The following ZNF69 variants were observed in gnomAD, a reference collection of about 807,000 sequenced individuals.
ZNF69 encodes the protein ZNF3.
ZNF69 carries 47 observed loss-of-function variants against 50.9 expected under a neutral mutation model. That is an observed-to-expected ratio of 0.92 (90% CI 0.73 to 1.18). The LOEUF is 1.18. Among genes scored for constraint, ZNF69 ranks in the 50% most tolerant of loss-of-function variants. The pLI is 0.00. For missense variants in ZNF69, 717 were observed against 675.1 expected, an observed-to-expected ratio of 1.06 and a Z score of -0.69; for synonymous variants, 216 against 223.1, an observed-to-expected ratio of 0.97 and a Z score of 0.29.
At chr19:11,914,962 G>A (rs1485933958), downstream of ZNF69, among the ~76,000 whole-genome samples, 1 of 152,132 alleles carries the variant, frequency 6.6e-6, no homozygotes, top group African/African-American at 2.4e-5. Context: ...CCACCACTTT[G>A]CTAGTCCAAA....
chr19:11,899,688 G>A (rs1972202063), intron 1 of ZNF69, among the ~76,000 whole-genome samples: 1 of 152,072 alleles, frequency 6.6e-6, no homozygotes, highest in Non-Finnish European at 1.5e-5. Flanking sequence ...TTATGAGTAA[G>A]GCTGCTAAAA....
intron 1 of ZNF69, among the ~76,000 whole-genome samples, chr19:11,900,118 T>TGCTG (rs1848567695): frequency 6.6e-6 from 1 of 152,044 alleles, no homozygotes; most frequent in Non-Finnish European, 1.5e-5. Context: ...CATGCATGGC[T>TGCTG]GCTGTTCGTA....
downstream of ZNF69, among the ~76,000 whole-genome samples, chr19:11,917,705 C>T (rs913345374): frequency 4.0e-5 from 6 of 151,842 alleles, no homozygotes; most frequent in African/African-American, 9.7e-5. Context: ...GGCGTGATCT[C>T]GGCTCACTGC....
the ZNF69 span, chr19:11,948,718 C>T: frequency 1.2e-6 from 2 of 1,612,940 alleles, no homozygotes; most frequent in South Asian, 2.2e-5. Context: ...GAAAGCCTTC[C>T]ATTCTTTCAG....
At chr19:11,894,809 G>T (rs1041546076) in intron 1 of ZNF69, among the ~76,000 whole-genome samples, 1 of 152,200 alleles carries the variant, frequency 6.6e-6, no homozygotes, top group Non-Finnish European at 1.5e-5. Flanking sequence ...TCAGCCAGTT[G>T]GATGGTGCTA....
In ZNF69 at chr19:11,900,331, G is replaced by C. The variant is rs1052360236; in HGVS notation, c.64-3242G>C. 4.0e-4 allele frequency among the ~76,000 whole-genome samples: 61 copies of C among 151,978 alleles called. 3 individuals are homozygous for C. Among genetic ancestry groups the C allele is most frequent in the Admixed American group, 7.2e-4 (11 of 15,264 alleles). On this transcript the variant is annotated intron_variant, in intron 1 of 3. Coordinates refer to ENST00000429654, the MANE Select transcript of ZNF69 (RefSeq NM_001364730.1). ...TGTTTGCCATAATTACATTCTTTAG[G>C]GGGAGGTATACTTGGAAAGATTGGG...
the ZNF69 span, chr19:11,948,124 T>C: frequency 9.1e-6 from 8 of 879,216 alleles, no homozygotes; most frequent in African/African-American, 1.2e-4. Flanking sequence ...GGTCATCTTG[T>C]AGAACATGTC....
chr19:11,933,581 C>T, the ZNF69 span, among the ~76,000 whole-genome samples: 1 of 147,776 alleles, frequency 6.8e-6, no homozygotes, highest in Non-Finnish European at 1.5e-5. Flanking sequence ...ATGTTCCTGC[C>T]TCGGTTTTGC....
the ZNF69 span, among the ~76,000 whole-genome samples, chr19:11,974,126 T>TTTCTTTCTTTCTTTTCTTTC: frequency 5.4e-4 from 30 of 55,076 alleles, no homozygotes; most frequent in Non-Finnish European, 9.0e-4. Context: ...TCTTTCTTTC[T>TTTCTTTCTTTCTTTTCTTTC]TTTCTTTCTT....
At chr19:11,968,942 A>C in the ZNF69 span, among the ~76,000 whole-genome samples, 1 of 152,194 alleles carries the variant, frequency 6.6e-6, no homozygotes, top group African/African-American at 2.4e-5. Context: ...ACATTTTACA[A>C]AACACTATAG....
At chr19:11,924,377 A>C in the ZNF69 span, among the ~76,000 whole-genome samples, 1 of 145,176 alleles carries the variant, frequency 6.9e-6, no homozygotes, top group Admixed American at 7.1e-5. Context: ...GCTTGCAGTG[A>C]GTCGAGATCG....
the ZNF69 span, chr19:11,950,009 C>A: frequency 6.2e-7 from 1 of 1,613,994 alleles, no homozygotes; most frequent in Admixed American, 1.7e-5. Flanking sequence ...AAATTCTCTT[C>A]TTTTCAAATA....
At chr19:11,952,746 G>C in the ZNF69 span, among the ~76,000 whole-genome samples, 1 of 152,148 alleles carries the variant, frequency 6.6e-6, no homozygotes, top group African/African-American at 2.4e-5. Flanking sequence ...CACACAAAGT[G>C]ACTCACAGCA....
the ZNF69 span, among the ~76,000 whole-genome samples, chr19:11,931,060 A>G: frequency 6.8e-6 from 1 of 147,648 alleles, no homozygotes; most frequent in African/African-American, 2.7e-5. Context: ...CCATTGGTCT[A>G]TCTTTCCATC....
chr19:11,946,581 T>C, the ZNF69 span, among the ~76,000 whole-genome samples: 2 of 152,206 alleles, frequency 1.3e-5, no homozygotes, highest in Non-Finnish European at 2.9e-5. Flanking sequence ...CTGGATACCC[T>C]GGCTTACAGG....
At chr19:11,961,857 TC>T in the ZNF69 span, 1 of 151,794 alleles carries the variant, frequency 6.6e-6, no homozygotes, top group Non-Finnish European at 1.5e-5. Context: ...CCTCAGGTGA[TC>T]CACCTGCCTC....
Position 11,905,914 on chromosome 19 carries a change from A to T in ZNF69, c.1517A>T (p.Tyr506Phe). Residue 506 changes from tyrosine (Y) to phenylalanine (F), a missense_variant, in exon 4 of 4, where the codon TAT becomes TTT. Coordinates refer to ENST00000429654, the MANE Select transcript of ZNF69 (RefSeq NM_001364730.1). ...HEKTHTGEKL[Y>F]ECKQCGEAFS... Reference sequence around the variant, plus strand: ...AAAACTCACACTGGAGAGAAACTCTATGAATGCAAGCAATGTGGTGAAGCC... The same window carrying T: ...AAAACTCACACTGGAGAGAAACTCTTTGAATGCAAGCAATGTGGTGAAGCC... The T allele has an allele frequency of 6.2e-7, 1 of 1,614,092 alleles. No individual in the cohort carries two copies. Among genetic ancestry groups the T allele is most frequent in the East Asian group, 2.2e-5 (1 of 44,866 alleles).
At chr19:11,937,534 G>C in the ZNF69 span, among the ~76,000 whole-genome samples, 71 of 148,910 alleles carry the variant, frequency 4.8e-4, 1 homozygote, top group East Asian at 0.013. Context: ...TGTCACCCAG[G>C]CTGGAGTGCA....
chr19:11,924,999 T>C, the ZNF69 span: 1 of 505,470 alleles, frequency 2.0e-6, no homozygotes, highest in Non-Finnish European at 3.5e-6. Flanking sequence ...TACCCAGGGC[T>C]TCAGCTGTCA....
Sources: allele counts gnomAD v4.1 joint callset (sites outside exome capture counted in the v4.1 genomes callset), GRCh38; gene constraint gnomAD v4.1.1; transcripts MANE v1.5; gene names NCBI Gene and HGNC (gene_info 2026-07-23, HGNC 2026-07-21).